MPP7: variants seen among roughly 807,000 people sequenced by gnomAD.
MPP7 encodes the protein MAGUK p55 subfamily member 7.
A neutral mutation model predicts 76.5 loss-of-function variants in MPP7; 60 were observed. The observed-to-expected ratio is 0.78, with a 90% CI of 0.64 to 0.97. The LOEUF is 0.97. MPP7 is among the 50% of genes least tolerant of loss of function. The probability of loss-of-function intolerance (pLI) is 0.00; values close to 1 mark genes in which losing one functional copy is unlikely to be tolerated. For missense variants in MPP7, 641 were observed against 694.0 expected (o/e 0.92, Z 0.86); for synonymous variants, 237 against 244.5 (o/e 0.97, Z 0.29).
intron 11 of MPP7, among the ~76,000 whole-genome samples, chr10:28,104,325 A>G (rs1853972355): frequency 6.6e-6 from 1 of 152,208 alleles, no homozygotes; most frequent in Non-Finnish European, 1.5e-5. Context: ...AAGAGGAAAA[A>G]ACAAGTGGGA....
intron 1 of MPP7, among the ~76,000 whole-genome samples, chr10:28,248,246 C>T (rs1007918916): frequency 6.6e-6 from 1 of 152,080 alleles, no homozygotes; most frequent in Admixed American, 6.6e-5. Flanking sequence ...TACTTTATGA[C>T]CAATTTAGTG....
chr10:28,080,397 C>G (rs1670505811), intron 12 of MPP7, among the ~76,000 whole-genome samples: 1 of 152,110 alleles, frequency 6.6e-6, no homozygotes, highest in Non-Finnish European at 1.5e-5. Context: ...ATGGGGCCAC[C>G]AAGCTCCCAA....
At chr10:28,170,697 C>T (rs1461251779) in intron 3 of MPP7, among the ~76,000 whole-genome samples, 1 of 151,882 alleles carries the variant, frequency 6.6e-6, no homozygotes, top group Non-Finnish European at 1.5e-5. Flanking sequence ...TCAGCTGTAT[C>T]TAATTTGCAA....
intron 6 of MPP7, among the ~76,000 whole-genome samples, chr10:28,128,475 G>GTGGCAT (rs1835089228): frequency 6.6e-6 from 1 of 152,146 alleles, no homozygotes; most frequent in Non-Finnish European, 1.5e-5. Flanking sequence ...GTAATTCAAG[G>GTGGCAT]GAAAGATGAT....
rs528791035 is a variant in MPP7 at position 28,107,041 on chromosome 10, C to T, written c.952+12610G>A. Among the ~76,000 whole-genome samples the T allele has an allele frequency of 2.6e-5, 4 of 152,318 alleles. No homozygotes were observed. The South Asian group carries it at 8.3e-4, about 32-fold the overall frequency. On this transcript the variant is annotated intron_variant, in intron 11 of 16. Transcript: ENST00000683449. ...ACGAAATTTTACACAAAGAATAACA[C>T]TGAGTACCAAAATCTGGCAAAACTT...
At chr10:28,273,533 T>A (rs1374967588) in intron 1 of MPP7, among the ~76,000 whole-genome samples, 2 of 152,214 alleles carry the variant, frequency 1.3e-5, no homozygotes, top group Non-Finnish European at 2.9e-5. Context: ...GTTACCTCAA[T>A]GAACTGAGAA....
Position 28,149,996 on chromosome 10 carries a change from C to T in MPP7, c.220G>A (p.Ala74Thr). 6.2e-7 allele frequency: 1 copy of T among 1,613,422 alleles called. No individual in the cohort carries two copies. Among genetic ancestry groups the T allele is most frequent in the South Asian group, 1.1e-5 (1 of 90,984 alleles). ...GTCACACTTACATCATCGGCCAAGGCCGCCGCACCATGGAGAATGGGCACC... is the reference window on the plus strand; with the variant it reads ...GTCACACTTACATCATCGGCCAAGGTCGCCGCACCATGGAGAATGGGCACC... ...SPVPILHGAA[A>T]LADDLAEELQ... The change falls in exon 4 of 17, where the codon GCC (alanine) becomes ACC (threonine). Residue 74 changes from alanine (A) to threonine (T), a missense_variant. Coordinates refer to ENST00000683449, the MANE Select transcript of MPP7 (RefSeq NM_001318170.2).
rs34071650 is a variant in MPP7, at chr10:28,198,583, T to TA, written c.156+3569dup. Among the ~76,000 whole-genome samples the TA allele has an allele frequency of 3.8e-4, 55 of 145,334 alleles. No individual in the cohort carries two copies. In the Middle Eastern group the frequency reaches 0.011, roughly 29 times the overall value. ...GAGCAAAACTCTGTCTCAGAGAATTTAAAAAAAAAAAAAAGAAAGAAAGAA... is the reference window on the plus strand; with the variant it reads ...GAGCAAAACTCTGTCTCAGAGAATTTAAAAAAAAAAAAAAAGAAAGAAAGAA... On this transcript the variant is annotated intron_variant, in intron 3 of 16. Coordinates refer to ENST00000683449, the MANE Select transcript of MPP7 (RefSeq NM_001318170.2).
intron 10 of MPP7, 67 bp from the exon 11 acceptor site, chr10:28,119,782 A>G: frequency 7.9e-7 from 1 of 1,261,202 alleles, no homozygotes; most frequent in Non-Finnish European, 1.1e-6. Context: ...ACAATATCAA[A>G]ATATTTAGTC....
At chr10:28,120,101 T>G (rs1226674255) in intron 10 of MPP7, 93 bp downstream of exon 10, 2 of 1,332,602 alleles carry the variant, frequency 1.5e-6, no homozygotes, top group African/African-American at 2.9e-5. Context: ...CAAGGTTTTA[T>G]AGCATATTTT....
chr10:28,327,231 T>TAAAA (rs59442840), intron 2 of MPP7, among the ~76,000 whole-genome samples: 9 of 95,748 alleles, frequency 9.4e-5, no homozygotes, highest in African/African-American at 1.3e-4. Flanking sequence ...GTCAAAGAAG[T>TAAAA]AAAAAAAAAA....
At chr10:28,250,278 G>A (rs1053548054) in intron 1 of MPP7, among the ~76,000 whole-genome samples, 19 of 152,136 alleles carry the variant, frequency 1.2e-4, no homozygotes, top group Non-Finnish European at 1.5e-5. Flanking sequence ...CGGAGGAGAG[G>A]GAGAGAGAAC....
At position 28,238,612 on chromosome 10, in the gene MPP7, G is replaced by A. The variant is rs1030326026; in HGVS notation, c.-8C>T. 15 of 1,614,156 alleles carry A rather than the reference G, an allele frequency of 9.3e-6. No homozygotes were observed. The highest frequency in any genetic ancestry group is 1.6e-4 in the Middle Eastern group (1 of 6,062). On this transcript the variant is annotated 5_prime_UTR_variant, in exon 2 of 17. Coordinates refer to ENST00000683449, the MANE Select transcript of MPP7 (RefSeq NM_001318170.2). ...CGTTGACAAAGCTGGCATGATGCAA[G>A]GTGTAGGAACAGGTCAGCCCACCGC... is the stretch of plus-strand genomic sequence containing the variant.
chr10:28,196,073 C>T (rs1564693696), intron 3 of MPP7, among the ~76,000 whole-genome samples: 1 of 152,158 alleles, frequency 6.6e-6, no homozygotes, highest in African/African-American at 2.4e-5. Flanking sequence ...TAACAAAGAC[C>T]ATTCATTGCA....
At chr10:28,059,069 C>G (rs1353608417) in intron 14 of MPP7, among the ~76,000 whole-genome samples, 1 of 152,174 alleles carries the variant, frequency 6.6e-6, no homozygotes, top group East Asian at 1.9e-4. Flanking sequence ...ACGAAAAAAG[C>G]ATTTCGATGT....
chr10:28,132,652 T>C (rs919376888), intron 5 of MPP7, among the ~76,000 whole-genome samples: 1 of 152,180 alleles, frequency 6.6e-6, no homozygotes, highest in Non-Finnish European at 1.5e-5. Context: ...CAGGCTGTAG[T>C]GCAGTGGTGC....
chr10:28,157,102 C>T (rs776552050), intron 3 of MPP7, among the ~76,000 whole-genome samples: 6 of 151,882 alleles, frequency 4.0e-5, no homozygotes, highest in Non-Finnish European at 5.9e-5. Flanking sequence ...CCCAGCTACT[C>T]GGGAGGCTGA....
At chr10:28,163,913 C>CAAAA (rs35147298) in intron 3 of MPP7, among the ~76,000 whole-genome samples, 2 of 132,442 alleles carry the variant, frequency 1.5e-5, no homozygotes, top group Non-Finnish European at 1.6e-5. Context: ...AGCTCCATCT[C>CAAAA]AAAAAAAAAA....
chr10:28,202,408 C>G, intron 2 of MPP7, 137 bp from the exon 3 acceptor site: 1 of 584,388 alleles, frequency 1.7e-6, no homozygotes, highest in Non-Finnish European at 3.0e-6. Context: ...AAACACTTCT[C>G]CAAAGAACCA....
Sources: allele counts gnomAD v4.1 joint callset (sites outside exome capture counted in the v4.1 genomes callset), GRCh38; gene constraint gnomAD v4.1.1; transcripts MANE v1.5; gene names NCBI Gene and HGNC (gene_info 2026-07-23, HGNC 2026-07-21).